LEF1: variants seen among roughly 807,000 people sequenced by gnomAD.
LEF1 encodes the protein lymphoid enhancer binding factor 1, also known as lymphoid enhancer-binding factor 1.
LEF1 carries 14 observed loss-of-function variants against 51.2 expected under a neutral mutation model. That is an observed-to-expected ratio of 0.27 (90% CI 0.18 to 0.43). The LOEUF is 0.43. LEF1 is among the 20% of genes least tolerant of loss of function. The pLI is 1.00. For synonymous variants in LEF1, 185 were observed against 183.2 expected, an observed-to-expected ratio of 1.01 and a Z score of -0.08; for missense variants, 386 against 512.0, an observed-to-expected ratio of 0.75 and a Z score of 2.37.
chr4:108,064,231 T>G (rs1387341855), intron 10 of LEF1, 105 bp downstream of exon 10: 2 of 695,284 alleles, frequency 2.9e-6, no homozygotes, highest in Non-Finnish European at 2.5e-6. Context: ...TAAAGCATCA[T>G]AAGTTACAGT....
At chr4:108,093,531 C>T (rs972689912) in intron 3 of LEF1, among the ~76,000 whole-genome samples, 1 of 152,012 alleles carries the variant, frequency 6.6e-6, no homozygotes, top group Non-Finnish European at 1.5e-5. Flanking sequence ...TTTCATTATC[C>T]CAGGGTCACA....
intron 11 of LEF1, among the ~76,000 whole-genome samples, chr4:108,063,328 G>A (rs766529970): frequency 1.3e-5 from 2 of 152,040 alleles, no homozygotes; most frequent in African/African-American, 4.8e-5. Flanking sequence ...TAAGCAGGCC[G>A]ATTTGCCACT....
chr4:108,085,268 G>C (rs1739571413), intron 4 of LEF1, among the ~76,000 whole-genome samples: 1 of 152,150 alleles, frequency 6.6e-6, no homozygotes. Context: ...ATTTTTAGTA[G>C]AGACAGGGCT....
intron 3 of LEF1, among the ~76,000 whole-genome samples, chr4:108,156,815 C>CGCTTGTAAGTGTGAGCTAA (rs1744730700): frequency 6.7e-6 from 1 of 148,758 alleles, no homozygotes; most frequent in African/African-American, 2.5e-5. Flanking sequence ...ATAATGTGGA[C>CGCTTGTAAGTGTGAGCTAA]ATAGAGTGTC....
intron 1 of LEF1, chr4:108,166,170 C>T: frequency 1.6e-6 from 2 of 1,238,460 alleles, no homozygotes; most frequent in Non-Finnish European, 2.2e-6. Flanking sequence ...GTTAGGTGCA[C>T]CCTACCCCCG....
intron 3 of LEF1, among the ~76,000 whole-genome samples, chr4:108,106,585 C>G (rs763949494): frequency 1.3e-5 from 2 of 152,088 alleles, no homozygotes; most frequent in Non-Finnish European, 2.9e-5. Flanking sequence ...CTTTTGTTGT[C>G]GTTTCATGCA....
chr4:108,122,811 C>T (rs1054565717), intron 3 of LEF1, among the ~76,000 whole-genome samples: 3 of 152,104 alleles, frequency 2.0e-5, no homozygotes, highest in Non-Finnish European at 2.9e-5. Flanking sequence ...TAAAGCTGCA[C>T]TGCCCAATGG....
chr4:108,131,830 GT>G (rs1212970287), intron 3 of LEF1, among the ~76,000 whole-genome samples: 1 of 152,096 alleles, frequency 6.6e-6, no homozygotes, highest in Admixed American at 6.5e-5. Flanking sequence ...AAAAACTAAG[GT>G]GCGTTGTATA....
At chr4:108,100,905 G>T (rs1434304199) in intron 3 of LEF1, among the ~76,000 whole-genome samples, 2 of 152,180 alleles carry the variant, frequency 1.3e-5, no homozygotes, top group African/African-American at 2.4e-5. Context: ...CTTGATCTCT[G>T]TCTGAAACTA....
chr4:108,076,351 T>C (rs570713656), intron 8 of LEF1, among the ~76,000 whole-genome samples: 2 of 152,286 alleles, frequency 1.3e-5, no homozygotes, highest in South Asian at 2.1e-4. Flanking sequence ...GATTTATAGA[T>C]CTGTAAATTC....
intron 3 of LEF1, among the ~76,000 whole-genome samples, chr4:108,138,376 A>G (rs1696398589): frequency 6.6e-6 from 1 of 152,198 alleles, no homozygotes; most frequent in Admixed American, 6.5e-5. Context: ...GATTACTCCC[A>G]TTATACAGAT....
At chr4:108,164,944 C>T (rs905089637) in intron 2 of LEF1, among the ~76,000 whole-genome samples, 153 bp downstream of exon 2, 1 of 152,106 alleles carries the variant, frequency 6.6e-6, no homozygotes, top group South Asian at 2.1e-4. Flanking sequence ...AGAGGTAAGC[C>T]ATAAGTTTCC....
intron 3 of LEF1, among the ~76,000 whole-genome samples, chr4:108,114,866 C>A (rs1212824372): frequency 6.6e-6 from 1 of 152,196 alleles, no homozygotes; most frequent in Non-Finnish European, 1.5e-5. Context: ...AACAGAAACT[C>A]CAGAGACCAC....
intron 8 of LEF1, among the ~76,000 whole-genome samples, chr4:108,073,677 C>T (rs1269059295): frequency 6.6e-6 from 1 of 151,962 alleles, no homozygotes; most frequent in Non-Finnish European, 1.5e-5. Context: ...GTCTTCTACC[C>T]AAACAACGAG....
At chr4:108,058,547 ATTAC>A (rs982530645) in intron 11 of LEF1, among the ~76,000 whole-genome samples, 2 of 152,132 alleles carry the variant, frequency 1.3e-5, no homozygotes, top group Non-Finnish European at 2.9e-5. Flanking sequence ...CATCAATTCT[ATTAC>A]TGTGCTATCA....
At chr4:108,152,514 G>T (rs1250904173) in intron 3 of LEF1, among the ~76,000 whole-genome samples, 1 of 152,202 alleles carries the variant, frequency 6.6e-6, no homozygotes, top group African/African-American at 2.4e-5. Flanking sequence ...GGCCCAATAT[G>T]GTTGAGTGAA....
chr4:108,089,176 A>C lies in LEF1; in HGVS notation c.496T>G (p.Ser166Ala). The C allele has an allele frequency of 6.2e-7, 1 of 1,613,988 alleles. No homozygotes were observed. Among genetic ancestry groups the C allele is most frequent in the Non-Finnish European group, 8.5e-7 (1 of 1,179,984 alleles). Reference sequence around the variant, plus strand: ...ATGTGTGACGGGTGTGATCCTGGAGAAAAGTGCTCGTCACTGTAAGTGATG... The same window carrying C: ...ATGTGTGACGGGTGTGATCCTGGAGCAAAGTGCTCGTCACTGTAAGTGATG... Reference protein sequence around the residue: ...PLITYSDEHFSPGSHPSHIPS... With the variant: ...PLITYSDEHFAPGSHPSHIPS... The change falls in exon 4 of 12, where the codon TCT becomes GCT. Residue 166 changes from serine to alanine, a missense_variant. Coordinates refer to ENST00000265165, the MANE Select transcript of LEF1 (RefSeq NM_016269.5).
chr4:108,166,134 C>G, intron 1 of LEF1: 2 of 758,014 alleles, frequency 2.6e-6, no homozygotes. Flanking sequence ...TCCCAGCACA[C>G]AGTAGTCACA....
chr4:108,079,319 G>T (rs1578316770), intron 7 of LEF1, among the ~76,000 whole-genome samples, 173 bp downstream of exon 7: 1 of 152,300 alleles, frequency 6.6e-6, no homozygotes, highest in East Asian at 1.9e-4. Context: ...ATCAAAATCA[G>T]CACAGTAGGA....
Sources: gnomAD v4.1 joint callset for allele counts (sites outside exome capture counted in the v4.1 genomes callset) on GRCh38, gnomAD v4.1.1 for gene constraint, MANE v1.5 for transcripts, NCBI Gene and HGNC (gene_info 2026-07-23, HGNC 2026-07-21) for gene names.